Variants in PAQR5 observed in about 807,000 individuals in gnomAD.
The protein encoded by PAQR5 is progestin and adipoQ receptor family member 5.
Under a neutral mutation model 34.5 loss-of-function variants are expected in PAQR5, and 20 were observed. The ratio of observed to expected loss-of-function variants is 0.58; its 90% CI spans 0.41 to 0.84. PAQR5 has a LOEUF of 0.84. Ranked by LOEUF, PAQR5 falls within the 40% of genes least tolerant of loss-of-function variation. The probability of loss-of-function intolerance (pLI) is 0.00; values close to 1 mark genes in which losing one functional copy is unlikely to be tolerated. For missense variants in PAQR5, 378 were observed against 412.7 expected, an observed-to-expected ratio of 0.92 and a Z score of 0.73; for synonymous variants, 131 against 155.6, an observed-to-expected ratio of 0.84 and a Z score of 1.18.
Position 69,357,254 on chromosome 15 carries a change from G to GTGTTTGTTTGTTTGTTTGTT in PAQR5, c.-115-2706_-115-2687dup, listed in dbSNP as rs3084830. Among the ~76,000 whole-genome samples, 35 of 149,482 alleles carry GTGTTTGTTTGTTTGTTTGTT rather than the reference G, an allele frequency of 2.3e-4. 1 individual carries two copies. Among genetic ancestry groups the GTGTTTGTTTGTTTGTTTGTT allele is most frequent in the East Asian group, 2.2e-3 (11 of 5,082 alleles). On this transcript the variant is annotated intron_variant, in intron 2 of 8. Transcript: ENST00000395407. Reference sequence around the variant, plus strand: ...TCTTTATAAATTACCCAGTCTCAGGGTGTTTGTTTGTTTGTTTGTTTGTTT... The same window carrying GTGTTTGTTTGTTTGTTTGTT: ...TCTTTATAAATTACCCAGTCTCAGGGTGTTTGTTTGTTTGTTTGTTTGTTTGTTTGTTTGTTTGTTTGTTT...
intron 1 of PAQR5, among the ~76,000 whole-genome samples, chr15:69,323,626 T>C (rs1210940706): frequency 1.3e-5 from 2 of 152,162 alleles, no homozygotes; most frequent in East Asian, 3.9e-4. Flanking sequence ...TTTATTTTCT[T>C]CTAATAGCGT....
At chr15:69,351,664 T>C (rs769247496) in intron 2 of PAQR5, among the ~76,000 whole-genome samples, 3 of 152,172 alleles carry the variant, frequency 2.0e-5, no homozygotes, top group Non-Finnish European at 4.4e-5. Context: ...GCCCATTACA[T>C]TGATGGTGTT....
chr15:69,365,026 G>A (rs554308798), intron 3 of PAQR5, among the ~76,000 whole-genome samples: 2 of 150,404 alleles, frequency 1.3e-5, no homozygotes, highest in Admixed American at 6.6e-5. Flanking sequence ...GTGAGCCACC[G>A]CATCTGGCCT....
At position 69,375,068 on chromosome 15, in the gene PAQR5, G is replaced by A. The variant is rs149133305; in HGVS notation, c.52-4815G>A. ...AGGCACTGGCTTGCATAACCTCACC[G>A]CTCATATTAGTTTGCTAGGGCTGCC... On this transcript the variant is annotated intron_variant, in intron 3 of 8. Transcript: ENST00000395407. Among the ~76,000 whole-genome samples, 7 of 152,266 alleles carry A rather than the reference G, an allele frequency of 4.6e-5. No individual in the cohort carries two copies. The East Asian group carries it at 9.6e-4, about 21-fold the overall frequency.
rs1378828293 is a variant in PAQR5 at position 69,298,960 on chromosome 15, C to T, written c.-373C>T. On this transcript the variant is annotated 5_prime_UTR_variant, in exon 1 of 9. Coordinates refer to ENST00000395407, the MANE Select transcript of PAQR5 (RefSeq NM_017705.4). The stretch of plus-strand genomic sequence containing the variant: ...GGGCCAGGTGCAGGGCCCGCGAGTC[C>T]GGGGTCGCCGCAGCCCGGGAGGAGT... The T allele has an allele frequency of 1.3e-5, 2 of 151,548 alleles. No homozygotes were observed. The highest frequency in any genetic ancestry group is 4.8e-5 in the African/African-American group (2 of 41,316). The allele number at this position is 151,548 out of a possible 1,614,324, so 9.4% of individuals were successfully genotyped here. A position where few individuals can be genotyped will look rare whatever the true frequency, so the allele number is the denominator to read the frequency against.
intron 1 of PAQR5, among the ~76,000 whole-genome samples, chr15:69,309,777 C>T (rs1409171867): frequency 2.0e-5 from 3 of 152,006 alleles, no homozygotes; most frequent in South Asian, 2.1e-4. Context: ...TGGCCAGGTG[C>T]GGTGGTTCAT....
At chr15:69,326,323 T>C (rs1018809891) in intron 1 of PAQR5, among the ~76,000 whole-genome samples, 1 of 152,188 alleles carries the variant, frequency 6.6e-6, no homozygotes, top group Non-Finnish European at 1.5e-5. Flanking sequence ...AGAAGCTGTG[T>C]TTCCTGGGCT....
At chr15:69,335,645 G>A (rs1310680144) in intron 1 of PAQR5, among the ~76,000 whole-genome samples, 4 of 143,210 alleles carry the variant, frequency 2.8e-5, no homozygotes, top group Non-Finnish European at 6.0e-5. Flanking sequence ...TGCCTCCCAG[G>A]TTCAAGCCAT....
At chr15:69,310,157 C>G (rs1566991236) in intron 1 of PAQR5, among the ~76,000 whole-genome samples, 1 of 152,056 alleles carries the variant, frequency 6.6e-6, no homozygotes, top group Non-Finnish European at 1.5e-5. Context: ...GTTTTTTGGA[C>G]ATGGAGGCAG....
chr15:69,319,060 G>C (rs2054020170), intron 1 of PAQR5, among the ~76,000 whole-genome samples: 1 of 150,798 alleles, frequency 6.6e-6, no homozygotes, highest in South Asian at 2.1e-4. Context: ...CTTGAACCCA[G>C]GAGGCGGAGG....
At chr15:69,402,882 A>G (rs1190516714) in intron 8 of PAQR5, among the ~76,000 whole-genome samples, 1 of 152,158 alleles carries the variant, frequency 6.6e-6, no homozygotes, top group Non-Finnish European at 1.5e-5. Flanking sequence ...ACCACCCAGC[A>G]CGTCCCTGTC....
At chr15:69,310,547 T>A (rs2053807619) in intron 1 of PAQR5, among the ~76,000 whole-genome samples, 1 of 152,232 alleles carries the variant, frequency 6.6e-6, no homozygotes, top group Non-Finnish European at 1.5e-5. Context: ...CTGTGAACTG[T>A]CTATTCATAT....
intron 1 of PAQR5, among the ~76,000 whole-genome samples, chr15:69,320,869 G>A (rs2054078900): frequency 6.6e-6 from 1 of 152,206 alleles, no homozygotes; most frequent in East Asian, 1.9e-4. Context: ...TTTTTTCCCT[G>A]TAAAATTTTC....
At chr15:69,397,655 T>C (rs563848122) in intron 7 of PAQR5, 91 bp downstream of exon 7, 1 of 872,106 alleles carries the variant, frequency 1.1e-6, no homozygotes, top group Non-Finnish European at 2.0e-6. Context: ...AGCACTGCAA[T>C]GGGAACCGCA....
intron 2 of PAQR5, among the ~76,000 whole-genome samples, chr15:69,343,750 G>C (rs751394381): frequency 5.3e-5 from 8 of 152,144 alleles, no homozygotes; most frequent in Non-Finnish European, 1.0e-4. Flanking sequence ...GGCAAAAATA[G>C]CGGCATGACT....
chr15:69,310,766 C>T lies in PAQR5; in HGVS notation c.-277+11710C>T, dbSNP rs187172248. Among the ~76,000 whole-genome samples the T allele has an allele frequency of 5.1e-3, 768 of 151,868 alleles. 10 individuals carry two copies. The highest frequency in any genetic ancestry group is 0.018 in the African/African-American group (735 of 41,402). ...AAGAATTATGAGTGTTGGCCAGGCG[C>T]GGTGGCTCATGCCTGTAATCCCAGC... is the stretch of plus-strand genomic sequence containing the variant. On this transcript the variant is annotated intron_variant, in intron 1 of 8. Coordinates refer to ENST00000395407, the MANE Select transcript of PAQR5 (RefSeq NM_017705.4).
chr15:69,355,613 G>A (rs530822288), intron 2 of PAQR5, among the ~76,000 whole-genome samples: 50 of 151,614 alleles, frequency 3.3e-4, no homozygotes, highest in African/African-American at 1.1e-3. Flanking sequence ...TAGAAACAGG[G>A]TTTCACCATG....
intron 3 of PAQR5, among the ~76,000 whole-genome samples, chr15:69,371,164 T>G (rs2055551221): frequency 6.6e-6 from 1 of 152,202 alleles, no homozygotes; most frequent in Non-Finnish European, 1.5e-5. Flanking sequence ...TTTCTTAAAT[T>G]AATTTCATTT....
At chr15:69,354,649 T>C (rs12442358) in intron 2 of PAQR5, among the ~76,000 whole-genome samples, 4,284 of 152,060 alleles carry the variant, frequency 0.028, 124 homozygotes, top group East Asian at 0.12. Flanking sequence ...TGACAGGGGG[T>C]AGACTTGTGA....
Sources: allele counts gnomAD v4.1 joint callset (sites outside exome capture counted in the v4.1 genomes callset), GRCh38; gene constraint gnomAD v4.1.1; transcripts MANE v1.5; gene names NCBI Gene and HGNC (gene_info 2026-07-23, HGNC 2026-07-21).